Variants in KSR2 observed in about 807,000 individuals in gnomAD.
The protein encoded by KSR2 is kinase suppressor of ras 2.
KSR2 carries 25 observed loss-of-function variants against 107.8 expected under a neutral mutation model. That is an observed-to-expected ratio of 0.23 (90% confidence interval 0.17 to 0.32). The LOEUF (loss-of-function observed/expected upper bound fraction) is 0.32, where lower values mean the gene tolerates loss of function less well. Ranked by LOEUF, KSR2 falls within the 10% of genes least tolerant of loss-of-function variation. The pLI is 1.00. For synonymous variants in KSR2, 480 were observed against 507.0 expected (o/e 0.95, Z 0.71); for missense variants, 887 against 1,268.9 (o/e 0.70, Z 4.57).
At chr12:117,492,299 GTC>G (rs1872787394) in intron 14 of KSR2, among the ~76,000 whole-genome samples, 1 of 152,234 alleles carries the variant, frequency 6.6e-6, no homozygotes, top group East Asian at 1.9e-4. Flanking sequence ...TAGAAGGTTT[GTC>G]TCTGAGGGCC....
At chr12:117,489,939 T>C (rs1187054141) in intron 14 of KSR2, among the ~76,000 whole-genome samples, 1 of 152,184 alleles carries the variant, frequency 6.6e-6, no homozygotes, top group Non-Finnish European at 1.5e-5. Context: ...TAAAAGCCAC[T>C]CGCAGTGTGG....
At chr12:117,763,005 A>G (rs1280889754) in intron 3 of KSR2, among the ~76,000 whole-genome samples, 2 of 151,954 alleles carry the variant, frequency 1.3e-5, no homozygotes, top group Non-Finnish European at 2.9e-5. Context: ...TCGTCATTTA[A>G]CATTAGGTAT....
Position 117,554,172 on chromosome 12 carries a change from A to G in KSR2, c.1518+997T>C, listed in dbSNP as rs550459574. Among the ~76,000 whole-genome samples the G allele has an allele frequency of 3.9e-5, 6 of 152,254 alleles. No individual in the cohort carries two copies. In the South Asian group the frequency reaches 1.2e-3, roughly 32 times the overall value. ...TTTGCCTCCTACTGTGAGGCTGGGC[A>G]TACCCCCGGGATAGATTTGGTACAG... On this transcript the variant is annotated intron_variant, in intron 9 of 19. Transcript: ENST00000339824.
At chr12:117,717,707 G>A in intron 4 of KSR2, among the ~76,000 whole-genome samples, 1 of 142,822 alleles carries the variant, frequency 7.0e-6, no homozygotes, top group African/African-American at 2.6e-5. Context: ...GTGTGTGTGT[G>A]TGTGTGCATG....
intron 14 of KSR2, chr12:117,517,953 A>G (rs1874485095): frequency 4.5e-6 from 2 of 444,618 alleles, no homozygotes; most frequent in African/African-American, 4.0e-5. Context: ...TTCTCCATGC[A>G]TCTGTCAAAT....
chr12:117,670,100 A>G (rs2136494127), intron 4 of KSR2, among the ~76,000 whole-genome samples: 1 of 152,346 alleles, frequency 6.6e-6, no homozygotes, highest in South Asian at 2.1e-4. Flanking sequence ...AGGAGACACT[A>G]AAAACAAGGA....
chr12:117,706,475 G>C (rs992897085), intron 4 of KSR2, among the ~76,000 whole-genome samples: 4 of 152,060 alleles, frequency 2.6e-5, no homozygotes, highest in African/African-American at 9.7e-5. Context: ...TGGACATTCA[G>C]AAATGGTAAC....
At chr12:117,647,369 T>G (rs1421899169) in intron 5 of KSR2, among the ~76,000 whole-genome samples, 1 of 152,094 alleles carries the variant, frequency 6.6e-6, no homozygotes, top group Non-Finnish European at 1.5e-5. Context: ...GAATTTGGCC[T>G]GAGATGAAAA....
chr12:117,619,275 T>A (rs1030331776), intron 5 of KSR2, among the ~76,000 whole-genome samples: 1 of 151,970 alleles, frequency 6.6e-6, no homozygotes, highest in Non-Finnish European at 1.5e-5. Flanking sequence ...GTTAGTTACA[T>A]ATGTATACAT....
intron 14 of KSR2, among the ~76,000 whole-genome samples, chr12:117,486,450 T>C (rs1194607885): frequency 6.6e-6 from 1 of 152,226 alleles, no homozygotes; most frequent in Non-Finnish European, 1.5e-5. Context: ...GAATGAATTC[T>C]AGATTCATCA....
chr12:117,863,320 G>T (rs915962807), intron 1 of KSR2, among the ~76,000 whole-genome samples: 3 of 152,282 alleles, frequency 2.0e-5, no homozygotes, highest in Middle Eastern at 3.4e-3. Context: ...GACAAGAGCT[G>T]CCTGGACCAT....
intron 4 of KSR2, among the ~76,000 whole-genome samples, chr12:117,697,570 A>C (rs71452614): frequency 0.02 from 3,030 of 152,156 alleles, 51 homozygotes; most frequent in South Asian, 0.055. Flanking sequence ...GTGAAACCCT[A>C]TTCTACTGAA....
intron 4 of KSR2, among the ~76,000 whole-genome samples, chr12:117,718,046 G>A (rs2136677990): frequency 6.6e-6 from 1 of 152,266 alleles, no homozygotes; most frequent in East Asian, 1.9e-4. Context: ...TAAGCACTTT[G>A]CAGTTACAAA....
intron 3 of KSR2, among the ~76,000 whole-genome samples, chr12:117,795,082 G>C (rs1890573712): frequency 1.3e-5 from 2 of 152,142 alleles, no homozygotes; most frequent in Non-Finnish European, 2.9e-5. Context: ...CTTTCCTTTA[G>C]CAGAGAAATG....
At chr12:117,704,190 A>G (rs1323918730) in intron 4 of KSR2, among the ~76,000 whole-genome samples, 1 of 152,104 alleles carries the variant, frequency 6.6e-6, no homozygotes, top group Admixed American at 6.5e-5. Context: ...TGCCCCTGAA[A>G]AGTCTTTCGT....
intron 16 of KSR2, among the ~76,000 whole-genome samples, chr12:117,477,529 G>A (rs1357602103): frequency 6.6e-6 from 1 of 152,156 alleles, no homozygotes; most frequent in Non-Finnish European, 1.5e-5. Flanking sequence ...GCTAAAGATT[G>A]TGATAAGCAT....
At chr12:117,890,599 C>A (rs756770571) in intron 1 of KSR2, 1 of 152,170 alleles carries the variant, frequency 6.6e-6, no homozygotes, top group Non-Finnish European at 1.5e-5. Context: ...ATAGAAGAAC[C>A]ATATTTGTCC....
At position 117,552,229 on chromosome 12, in the gene KSR2, C is replaced by A. The variant is rs59990140; in HGVS notation, c.1518+2940G>T. ...GAATCTCCTGGATATTAACTATGGG[C>A]CAGGAAGTACACTGAGTGCATTTAA... On this transcript the variant is annotated intron_variant, in intron 9 of 19. Transcript: ENST00000339824. 4.6e-3 allele frequency among the ~76,000 whole-genome samples: 698 copies of A among 152,282 alleles called. 7 individuals are homozygous for A. Among genetic ancestry groups the A allele is most frequent in the African/African-American group, 0.016 (660 of 41,550 alleles).
chr12:117,575,600 G>A lies in KSR2; in HGVS notation c.1325+3519C>T, dbSNP rs60673822. 6.7e-3 allele frequency among the ~76,000 whole-genome samples: 1,019 copies of A among 152,240 alleles called. 14 individuals are homozygous for A. Among genetic ancestry groups the A allele is most frequent in the African/African-American group, 0.023 (971 of 41,518 alleles). On this transcript the variant is annotated intron_variant, in intron 7 of 19. Coordinates refer to ENST00000339824, the MANE Select transcript of KSR2 (RefSeq NM_173598.6). ...CTGCAGGAATTTAGTTGTAGAACACGTCTCAACTTCAACTGGTGATATTAG... is the reference window on the plus strand; with the variant it reads ...CTGCAGGAATTTAGTTGTAGAACACATCTCAACTTCAACTGGTGATATTAG...
Sources: allele counts gnomAD v4.1 joint callset (sites outside exome capture counted in the v4.1 genomes callset), GRCh38; gene constraint gnomAD v4.1.1; transcripts MANE v1.5; gene names NCBI Gene and HGNC (gene_info 2026-07-23, HGNC 2026-07-21).